PCDHGB7: variants seen among roughly 807,000 people sequenced by gnomAD.
The protein encoded by PCDHGB7 is protocadherin gamma-B7.
In PCDHGB7, 37 loss-of-function variants were observed where a neutral mutation model predicts 61.4. The ratio of observed to expected loss-of-function variants is 0.60; its 90% CI spans 0.46 to 0.79. PCDHGB7 has a LOEUF of 0.79. Ranked by LOEUF, PCDHGB7 falls within the 30% of genes least tolerant of loss-of-function variation. The probability of loss-of-function intolerance (pLI) is 0.00; values close to 1 mark genes in which losing one functional copy is unlikely to be tolerated. For synonymous variants in PCDHGB7, 464 were observed against 503.5 expected (o/e 0.92, Z 1.05); for missense variants, 1,166 against 1,202.5 (o/e 0.97, Z 0.45).
chr5:141,427,034 A>G (rs762633589), intron 1 of PCDHGB7: 7 of 457,110 alleles, frequency 1.5e-5, no homozygotes, highest in Non-Finnish European at 2.6e-5. Flanking sequence ...TCAGCCTTAG[A>G]GAGAATGTGC....
At chr5:141,465,338 G>C (rs908157154) in intron 1 of PCDHGB7, among the ~76,000 whole-genome samples, 6 of 151,962 alleles carry the variant, frequency 3.9e-5, no homozygotes, top group Admixed American at 2.6e-4. Context: ...TTTTATATTG[G>C]TTACTGAAGA....
chr5:141,417,795 T>C lies in PCDHGB7; in HGVS notation c.-65T>C. The C allele has an allele frequency of 6.7e-7, 1 of 1,483,780 alleles. No individual in the cohort carries two copies. The highest frequency in any genetic ancestry group is 9.0e-7 in the Non-Finnish European group (1 of 1,115,174). The allele number at this position is 1,483,780 out of a possible 1,614,324, so 91.9% of individuals were successfully genotyped here. A position where few individuals can be genotyped will look rare whatever the true frequency, so the allele number is the denominator to read the frequency against. Reference sequence around the variant, plus strand: ...TCCTGTCCTGGGCCGAATGCTCTTTTAGCGCGGTAGAGTGCACTTTCTCCA... The same window carrying C: ...TCCTGTCCTGGGCCGAATGCTCTTTCAGCGCGGTAGAGTGCACTTTCTCCA... On this transcript the variant is annotated 5_prime_UTR_variant, in exon 1 of 4. It removes the in-frame stop codon of an upstream open reading frame in the 5' UTR. Transcript: ENST00000398594.
At chr5:141,492,468 G>A (rs927514972) in intron 1 of PCDHGB7, among the ~76,000 whole-genome samples, 1 of 152,232 alleles carries the variant, frequency 6.6e-6, no homozygotes, top group Admixed American at 6.5e-5. Flanking sequence ...GAGGGTCCCA[G>A]ATCGCGGCCG....
chr5:141,503,362 G>A (rs565902559), intron 2 of PCDHGB7, among the ~76,000 whole-genome samples: 32 of 152,054 alleles, frequency 2.1e-4, no homozygotes, highest in African/African-American at 6.5e-4. Context: ...TTTGGGAAGC[G>A]GAGGCAGGTG....
chr5:141,477,582 A>T lies in PCDHGB7; in HGVS notation c.2416-17225A>T, dbSNP rs567486170. The T allele has an allele frequency of 6.2e-7, 1 of 1,614,190 alleles. No individual in the cohort carries two copies. The highest frequency in any genetic ancestry group is 2.2e-5 in the East Asian group (1 of 44,888). ...GTCTGGGACCCCGACGCCCCGCAGA[A>T]TGCTCGGCTTTCTTTCTTTCTCTTG... On this transcript the variant is annotated intron_variant, in intron 1 of 3. Transcript: ENST00000398594. The surrounding 1 kb of genome is among the most constrained non-coding windows in gnomAD (Gnocchi z 4.9).
rs765972156 is a variant in PCDHGB7, at chr5:141,432,960, G to A, written c.2415+12686G>A. 3.1e-6 allele frequency: 5 copies of A among 1,614,070 alleles called. No individual in the cohort carries two copies. The East Asian group carries it at 6.7e-5, about 22-fold the overall frequency. On this transcript the variant is annotated intron_variant, in intron 1 of 3. Transcript: ENST00000398594. This position sits in a 1 kb window ranked among gnomAD's most constrained non-coding sequence, Gnocchi z 6.0. ...CAGGCTTCAGGAGGCGGCTTGACAG[G>A]AGCGCCGGCGTCGCACTTTGTGGGC...
chr5:141,509,825 C>A (rs1057042581), intron 3 of PCDHGB7, among the ~76,000 whole-genome samples: 18 of 152,222 alleles, frequency 1.2e-4, no homozygotes, highest in African/African-American at 1.2e-4. Context: ...TCTCCATCTT[C>A]TCTCTACCTC....
In PCDHGB7 at chr5:141,511,360, T is replaced by C; in HGVS notation, c.*187T>C. The C allele has an allele frequency of 7.5e-7, 1 of 1,333,050 alleles. No individual in the cohort carries two copies. Among genetic ancestry groups the C allele is most frequent in the Non-Finnish European group, 1.0e-6 (1 of 994,882 alleles). 82.6% of individuals were successfully genotyped at this position (1,333,050 alleles called of 1,614,324 possible). On this transcript the variant is annotated 3_prime_UTR_variant, in exon 4 of 4. Transcript: ENST00000398594. ...ACCTACCCCTTCCCCCCCAGGGGGT[T>C]GAATATGCAAAAGCAGTTCCGCTGG...
Position 141,485,399 on chromosome 5 carries a change from C to T in PCDHGB7, c.2416-9408C>T. On this transcript the variant is annotated intron_variant, in intron 1 of 3. Coordinates refer to ENST00000398594, the MANE Select transcript of PCDHGB7 (RefSeq NM_018927.4). This position sits in a 1 kb window ranked among gnomAD's most constrained non-coding sequence, Gnocchi z 5.7. ...TGGAGAGGTGAACCAAAGACACTTC[C>T]GTGTGGATTTGGACAGCGGAGCCCT... 3 of 1,614,000 alleles carry T rather than the reference C, an allele frequency of 1.9e-6. No homozygotes were observed. The highest frequency in any genetic ancestry group is 2.5e-6 in the Non-Finnish European group (3 of 1,179,922).
At chr5:141,422,871 G>C in intron 1 of PCDHGB7, 3 of 1,614,216 alleles carry the variant, frequency 1.9e-6, no homozygotes, top group South Asian at 1.1e-5. Flanking sequence ...GCAACGTGTC[G>C]CTGAGCCTGT....
chr5:141,475,254 C>T (rs776471860), intron 1 of PCDHGB7, among the ~76,000 whole-genome samples: 9 of 152,208 alleles, frequency 5.9e-5, no homozygotes, highest in Admixed American at 1.3e-4. Flanking sequence ...TGCTCTACAA[C>T]TGAGATCATG....
intron 1 of PCDHGB7, among the ~76,000 whole-genome samples, chr5:141,465,687 T>C (rs1290838979): frequency 1.3e-5 from 2 of 152,248 alleles, no homozygotes; most frequent in Non-Finnish European, 2.9e-5. Flanking sequence ...TTGACCAGTC[T>C]GCTTTTGCAT....
chr5:141,478,387 C>T, intron 1 of PCDHGB7: 1 of 1,613,642 alleles, frequency 6.2e-7, no homozygotes, highest in Non-Finnish European at 8.5e-7. Context: ...CGCACCTTTA[C>T]CATCAGGTGT....
At chr5:141,497,820 G>A (rs1595489288) in intron 2 of PCDHGB7, among the ~76,000 whole-genome samples, 1 of 152,226 alleles carries the variant, frequency 6.6e-6, no homozygotes, top group Admixed American at 6.5e-5. Flanking sequence ...AATTACAGGT[G>A]TGATCGCCCC....
chr5:141,501,621 A>T (rs1348614977), intron 2 of PCDHGB7, among the ~76,000 whole-genome samples: 1 of 152,100 alleles, frequency 6.6e-6, no homozygotes, highest in Non-Finnish European at 1.5e-5. Context: ...ACTCTGGTAT[A>T]GTCTCTCAAC....
chr5:141,461,255 G>A (rs1466460215), intron 1 of PCDHGB7, among the ~76,000 whole-genome samples: 1 of 152,098 alleles, frequency 6.6e-6, no homozygotes. Flanking sequence ...ATTCCCAGCA[G>A]CAATGTGTAA....
Position 141,477,350 on chromosome 5 carries a change from A to G in PCDHGB7, c.2416-17457A>G. The G allele has an allele frequency of 6.2e-7, 1 of 1,614,142 alleles. No individual in the cohort carries two copies. Among genetic ancestry groups the G allele is most frequent in the Non-Finnish European group, 8.5e-7 (1 of 1,180,016 alleles). On this transcript the variant is annotated intron_variant, in intron 1 of 3. Transcript: ENST00000398594. The surrounding 1 kb of genome is among the most constrained non-coding windows in gnomAD (Gnocchi z 4.9). ...CAAGAATTACTTCACTTTGAAAACC[A>G]GTGCAGACCTGGATCGGGAGACTGT...
Position 141,477,032 on chromosome 5 carries a change from A to G in PCDHGB7, c.2416-17775A>G, listed in dbSNP as rs1026169829. 2 of 1,614,134 alleles carry G rather than the reference A, an allele frequency of 1.2e-6. No homozygotes were observed. Among genetic ancestry groups the G allele is most frequent in the Non-Finnish European group, 1.7e-6 (2 of 1,180,044 alleles). ...AGACCTTGTAACCGGGATGCTGACA[A>G]TCAAGGGTCGGCTGGACTTCGAGGA... On this transcript the variant is annotated intron_variant, in intron 1 of 3. Transcript: ENST00000398594. This position sits in a 1 kb window ranked among gnomAD's most constrained non-coding sequence, Gnocchi z 4.9.
chr5:141,457,422 T>C (rs2098920028), intron 1 of PCDHGB7, among the ~76,000 whole-genome samples: 1 of 151,626 alleles, frequency 6.6e-6, no homozygotes. Flanking sequence ...CATCCCTTTT[T>C]CCCCCCCACC....
Sources: allele counts gnomAD v4.1 joint callset (sites outside exome capture counted in the v4.1 genomes callset), GRCh38; gene constraint gnomAD v4.1.1; non-coding constraint Gnocchi (gnomAD v3.1); transcripts MANE v1.5; gene names NCBI Gene and HGNC (gene_info 2026-07-23, HGNC 2026-07-21).